RBFOX1: variants seen among roughly 807,000 people sequenced by gnomAD.
RBFOX1 encodes the protein RNA binding protein fox-1 homolog 1.
A neutral mutation model predicts 57.7 loss-of-function variants in RBFOX1; 8 were observed. The ratio of observed to expected loss-of-function variants is 0.14; its 90% CI spans 0.08 to 0.25. The LOEUF (loss-of-function observed/expected upper bound fraction) is 0.25. Ranked by LOEUF, RBFOX1 falls within the 10% of genes least tolerant of loss-of-function variation. The probability of loss-of-function intolerance (pLI) is 1.00; values close to 1 mark genes in which losing one functional copy is unlikely to be tolerated. For synonymous variants in RBFOX1, 326 were observed against 222.4 expected (o/e 1.47, Z -4.15); for missense variants, 611 against 548.5 (o/e 1.11, Z -1.14).
chr16:5,784,609 C>T (rs1030033993), intron 3 of RBFOX1, among the ~76,000 whole-genome samples: 1 of 152,160 alleles, frequency 6.6e-6, no homozygotes, highest in South Asian at 2.1e-4. Flanking sequence ...ATTCGCTCAC[C>T]TCCCATCTGG....
At chr16:6,339,040 T>C (rs1379142790) in intron 2 of RBFOX1, among the ~76,000 whole-genome samples, 1 of 152,060 alleles carries the variant, frequency 6.6e-6, no homozygotes, top group African/African-American at 2.4e-5. Flanking sequence ...GATAGAAGGA[T>C]CAGGAGTGGA....
intron 3 of RBFOX1, among the ~76,000 whole-genome samples, chr16:6,804,421 C>G (rs1000592074): frequency 6.6e-6 from 1 of 152,136 alleles, no homozygotes; most frequent in Non-Finnish European, 1.5e-5. Flanking sequence ...TTCAGGTCAA[C>G]AATAACTCTT....
Position 5,767,572 on chromosome 16 carries a change from C to T in RBFOX1, c.319-99731C>T, listed in dbSNP as rs2053830951. 2.0e-5 allele frequency among the ~76,000 whole-genome samples: 3 copies of T among 152,166 alleles called. No individual in the cohort carries two copies. In the South Asian group the frequency reaches 6.2e-4, roughly 32 times the overall value. ...CGAACCCTGCGTGAGTTTCCAAGCT[C>T]ACACACATCTCCAGCTTCCTGCTTT... is the stretch of plus-strand genomic sequence containing the variant. On this transcript the variant is annotated intron_variant, in intron 3 of 19. Coordinates refer to the RBFOX1 transcript ENST00000641259.
At chr16:7,208,069 T>A (rs1261422669) in intron 4 of RBFOX1, among the ~76,000 whole-genome samples, 3 of 152,198 alleles carry the variant, frequency 2.0e-5, no homozygotes, top group Non-Finnish European at 4.4e-5. Flanking sequence ...ACATCAATCC[T>A]GCAACAGGGA....
chr16:5,986,093 G>A (rs995382930), intron 4 of RBFOX1, among the ~76,000 whole-genome samples: 6 of 147,024 alleles, frequency 4.1e-5, no homozygotes, highest in South Asian at 4.3e-4. Flanking sequence ...ACAGGGTCTC[G>A]CTCTTGTTAC....
intron 4 of RBFOX1, among the ~76,000 whole-genome samples, chr16:7,442,087 CA>C (rs2098772502): frequency 6.6e-6 from 1 of 152,194 alleles, no homozygotes; most frequent in South Asian, 2.1e-4. Flanking sequence ...ATCCATTAGG[CA>C]GGCTGTTGCT....
intron 1 of RBFOX1, among the ~76,000 whole-genome samples, chr16:6,108,505 A>G (rs1397883039): frequency 1.3e-5 from 2 of 152,284 alleles, no homozygotes; most frequent in East Asian, 3.9e-4. Flanking sequence ...CATTATCATC[A>G]TTTCCTTTAT....
intron 2 of RBFOX1, among the ~76,000 whole-genome samples, chr16:6,415,484 C>T (rs902149086): frequency 1.3e-5 from 2 of 150,938 alleles, no homozygotes; most frequent in Admixed American, 6.6e-5. Flanking sequence ...GGGCGGATCA[C>T]GAGGTTAGGA....
At chr16:7,207,476 C>T (rs2090227763) in intron 4 of RBFOX1, among the ~76,000 whole-genome samples, 1 of 152,076 alleles carries the variant, frequency 6.6e-6, no homozygotes, top group African/African-American at 2.4e-5. Flanking sequence ...CCAGTGCAAC[C>T]CCCGGACTGG....
chr16:5,640,790 A>C, intron 3 of RBFOX1, among the ~76,000 whole-genome samples: 1 of 150,716 alleles, frequency 6.6e-6, no homozygotes, highest in Admixed American at 6.6e-5. Context: ...CACACCATGC[A>C]TACACACACA....
At chr16:6,006,651 T>G (rs779355127) in intron 4 of RBFOX1, among the ~76,000 whole-genome samples, 33 of 152,322 alleles carry the variant, frequency 2.2e-4, no homozygotes, top group Non-Finnish European at 3.4e-4. Context: ...CTAGTTTGAG[T>G]TGAGTTTCTG....
intron 1 of RBFOX1, among the ~76,000 whole-genome samples, chr16:6,215,045 GGGAGAA>G (rs1366343170): frequency 2.9e-5 from 4 of 137,970 alleles, no homozygotes; most frequent in Non-Finnish European, 6.3e-5. Flanking sequence ...AGAGGGAGAG[GGGAGAA>G]GGAGAGGGAG....
At chr16:7,486,910 G>C (rs1272831900) in intron 4 of RBFOX1, among the ~76,000 whole-genome samples, 1 of 152,094 alleles carries the variant, frequency 6.6e-6, no homozygotes, top group Non-Finnish European at 1.5e-5. Flanking sequence ...ATTTGTTTTT[G>C]TCTTTTTGAA....
In RBFOX1 at chr16:6,872,936, C is replaced by T. The variant is rs548808008; in HGVS notation, c.-15-179121C>T. Reference sequence around the variant, plus strand: ...TTCTCAGTAACCTCCCTGACACTTGCTCTGTTTTACTTCCCCGGCCGCAGC... The same window carrying T: ...TTCTCAGTAACCTCCCTGACACTTGTTCTGTTTTACTTCCCCGGCCGCAGC... On this transcript the variant is annotated intron_variant, in intron 3 of 15. Transcript: ENST00000550418. Among the ~76,000 whole-genome samples, 3 of 152,242 alleles carry T rather than the reference C, an allele frequency of 2.0e-5. No homozygotes were observed. The East Asian group carries it at 5.8e-4, about 29-fold the overall frequency.
intron 4 of RBFOX1, among the ~76,000 whole-genome samples, chr16:7,189,764 C>G (rs73546562): frequency 0.015 from 2,229 of 152,318 alleles, 61 homozygotes; most frequent in African/African-American, 0.051. Flanking sequence ...CAGGCAATCC[C>G]TTCTATAACT....
chr16:7,332,568 C>G, intron 4 of RBFOX1, among the ~76,000 whole-genome samples: 1 of 152,026 alleles, frequency 6.6e-6, no homozygotes, highest in East Asian at 1.9e-4. Context: ...CCTAAAAATC[C>G]CATGTAGACC....
intron 3 of RBFOX1, among the ~76,000 whole-genome samples, chr16:5,830,334 C>T (rs2056220369): frequency 6.6e-6 from 1 of 151,560 alleles, no homozygotes; most frequent in African/African-American, 2.4e-5. Flanking sequence ...AACAGGCCTT[C>T]TGGAACCTAA....
At chr16:6,569,306 A>T (rs2097311458) in intron 2 of RBFOX1, among the ~76,000 whole-genome samples, 1 of 152,196 alleles carries the variant, frequency 6.6e-6, no homozygotes, top group South Asian at 2.1e-4. Flanking sequence ...TTTTCATCTC[A>T]TTGCTGTAGA....
Position 7,709,039 on chromosome 16 carries a change from C to G in RBFOX1, c.996-17C>G, listed in dbSNP as rs1343396919. 2 of 1,602,852 alleles carry G rather than the reference C, an allele frequency of 1.2e-6. No individual in the cohort carries two copies. Among genetic ancestry groups the G allele is most frequent in the East Asian group, 2.2e-5 (1 of 44,788 alleles). ...TTGCATACTGTGGATCAATCTTCAC[C>G]TCTATTTTCCTTTCAGTTACGGACG... On this transcript the variant is annotated splice_polypyrimidine_tract_variant and intron_variant, in intron 14 of 15. Transcript: ENST00000550418.
Sources: allele counts gnomAD v4.1 joint callset (sites outside exome capture counted in the v4.1 genomes callset), GRCh38; gene constraint gnomAD v4.1.1; transcripts MANE v1.5; gene names NCBI Gene and HGNC (gene_info 2026-07-23, HGNC 2026-07-21).